The following SYN3 variants were observed in gnomAD, a reference collection of about 807,000 sequenced individuals.
SYN3 encodes synapsin-3.
A neutral mutation model predicts 65.8 loss-of-function variants in SYN3; 35 were observed. The ratio of observed to expected loss-of-function variants is 0.53; its 90% confidence interval spans 0.41 to 0.70. The LOEUF is 0.70. Ranked by LOEUF, SYN3 falls within the 30% of genes least tolerant of loss-of-function variation. The pLI is 0.00. For missense variants in SYN3, 680 were observed against 749.0 expected, an observed-to-expected ratio of 0.91 and a Z score of 1.08; for synonymous variants, 270 against 292.9, an observed-to-expected ratio of 0.92 and a Z score of 0.80.
chr22:33,049,863 T>C (rs2054131526), intron 1 of SYN3, among the ~76,000 whole-genome samples: 1 of 152,100 alleles, frequency 6.6e-6, no homozygotes, highest in Non-Finnish European at 1.5e-5. Context: ...CCAGGTCTCA[T>C]ACTCAGCTTG....
At chr22:32,587,563 G>A (rs1048906473) in intron 7 of SYN3, among the ~76,000 whole-genome samples, 1 of 152,072 alleles carries the variant, frequency 6.6e-6, no homozygotes, top group Non-Finnish European at 1.5e-5. Flanking sequence ...TCCTCTATTT[G>A]CTCATTTTCT....
At chr22:33,037,625 G>A (rs1165755973) in intron 1 of SYN3, among the ~76,000 whole-genome samples, 2 of 152,062 alleles carry the variant, frequency 1.3e-5, no homozygotes, top group African/African-American at 4.8e-5. Flanking sequence ...CTGATTTTAC[G>A]CTGAAGCATC....
At chr22:32,672,609 C>T (rs1250065387) in intron 6 of SYN3, among the ~76,000 whole-genome samples, 2 of 152,240 alleles carry the variant, frequency 1.3e-5, no homozygotes, top group African/African-American at 4.8e-5. Flanking sequence ...TGCTATGTCC[C>T]TCCGCCTGGT....
intron 6 of SYN3, among the ~76,000 whole-genome samples, chr22:32,819,913 G>C (rs968925703): frequency 2.6e-5 from 4 of 152,184 alleles, no homozygotes; most frequent in Non-Finnish European, 2.9e-5. Flanking sequence ...CCCAAGGGAA[G>C]TTCTCGCAAC....
chr22:32,770,099 A>T (rs2145768027), intron 6 of SYN3, among the ~76,000 whole-genome samples: 1 of 152,268 alleles, frequency 6.6e-6, no homozygotes, highest in East Asian at 1.9e-4. Context: ...TCATTTGCTC[A>T]GCCCCGAAAC....
intron 7 of SYN3, among the ~76,000 whole-genome samples, chr22:32,552,942 G>A (rs2058438662): frequency 1.3e-5 from 2 of 152,238 alleles, no homozygotes; most frequent in African/African-American, 4.8e-5. Context: ...CAGTTCTGGA[G>A]ACTGGGAAGT....
chr22:32,509,209 C>G lies in SYN3; in HGVS notation c.*4483G>C, dbSNP rs1254065863. Among the ~76,000 whole-genome samples, 5 of 152,202 alleles carry G rather than the reference C, an allele frequency of 3.3e-5. No individual in the cohort carries two copies. The highest frequency in any genetic ancestry group is 5.9e-5 in the Non-Finnish European group (4 of 68,046). Reference sequence around the variant, plus strand: ...ACTTTTCTGTGGCTGGTAGAGCTGTCCGCTAAGGCTGCGTTTTTAAATCCC... The same window carrying G: ...ACTTTTCTGTGGCTGGTAGAGCTGTGCGCTAAGGCTGCGTTTTTAAATCCC... On this transcript the variant is annotated 3_prime_UTR_variant, in exon 14 of 14. Coordinates refer to ENST00000358763, the MANE Select transcript of SYN3 (RefSeq NM_003490.4).
chr22:32,945,840 T>C, intron 3 of SYN3, among the ~76,000 whole-genome samples: 1 of 152,014 alleles, frequency 6.6e-6, no homozygotes, highest in East Asian at 1.9e-4. Context: ...CAAACAAATT[T>C]ACAAGAAAAA....
chr22:32,549,367 C>G (rs1344440242), intron 7 of SYN3, among the ~76,000 whole-genome samples: 1 of 152,094 alleles, frequency 6.6e-6, no homozygotes, highest in African/African-American at 2.4e-5. Flanking sequence ...AATCCTCCTG[C>G]CGCAGCCTCC....
At chr22:32,858,712 C>T (rs1189997180) in intron 6 of SYN3, among the ~76,000 whole-genome samples, 1 of 152,190 alleles carries the variant, frequency 6.6e-6, no homozygotes, top group Non-Finnish European at 1.5e-5. Context: ...CTATGATCTC[C>T]ATTCTGCAGA....
At chr22:32,534,664 G>A (rs116712337) in intron 9 of SYN3, among the ~76,000 whole-genome samples, 1,944 of 152,302 alleles carry the variant, frequency 0.013, 46 homozygotes, top group African/African-American at 0.045. Flanking sequence ...CTGGATTTGG[G>A]AGTCACAGGG....
intron 4 of SYN3, among the ~76,000 whole-genome samples, chr22:32,880,698 C>T (rs1486431481): frequency 2.0e-5 from 3 of 152,188 alleles, no homozygotes; most frequent in Non-Finnish European, 4.4e-5. Context: ...CCAGCATTTA[C>T]ACTCCACTAT....
At chr22:32,824,762 C>A (rs1180120201) in intron 6 of SYN3, among the ~76,000 whole-genome samples, 1 of 152,124 alleles carries the variant, frequency 6.6e-6, no homozygotes, top group Non-Finnish European at 1.5e-5. Context: ...CGCTTCTGAA[C>A]CAGTGTTTGA....
intron 6 of SYN3, among the ~76,000 whole-genome samples, chr22:32,739,165 T>C (rs1012423617): frequency 1.4e-5 from 2 of 143,756 alleles, no homozygotes; most frequent in African/African-American, 2.5e-5. Flanking sequence ...TGGGAGATAA[T>C]TGAATCACAG....
intron 6 of SYN3, among the ~76,000 whole-genome samples, chr22:32,626,092 T>C (rs894045927): frequency 6.6e-6 from 1 of 151,686 alleles, no homozygotes; most frequent in Non-Finnish European, 1.5e-5. Context: ...AAGGAAATGG[T>C]TGGGGGTAGA....
At chr22:32,599,447 G>A (rs575711108) in intron 6 of SYN3, among the ~76,000 whole-genome samples, 12 of 151,596 alleles carry the variant, frequency 7.9e-5, no homozygotes, top group East Asian at 7.8e-4. Flanking sequence ...TCAGCCTCCC[G>A]AGTAGCTGGG....
chr22:33,001,990 T>A (rs1003880488), intron 2 of SYN3, among the ~76,000 whole-genome samples: 4 of 152,070 alleles, frequency 2.6e-5, no homozygotes, highest in Admixed American at 2.6e-4. Flanking sequence ...AATGTTGGGA[T>A]GAAGAGAGAG....
In SYN3 at chr22:32,635,538, C is replaced by G. The variant is rs150195677; in HGVS notation, c.712-38802G>C. ...GCCAGATATTTGAAATAGGGACATT[C>G]TAGGATATTAGAGCAAATATTTCAC... On this transcript the variant is annotated intron_variant, in intron 6 of 13. Transcript: ENST00000358763. Among the ~76,000 whole-genome samples the G allele has an allele frequency of 6.6e-5, 10 of 152,280 alleles. No individual in the cohort carries two copies. In the East Asian group the frequency reaches 1.9e-3, roughly 29 times the overall value.
At chr22:32,578,262 T>C (rs1242702601) in intron 7 of SYN3, among the ~76,000 whole-genome samples, 1 of 151,894 alleles carries the variant, frequency 6.6e-6, no homozygotes, top group Non-Finnish European at 1.5e-5. Flanking sequence ...TCCCTCTCTC[T>C]TTCTGACAGG....
Sources: gnomAD v4.1 joint callset for allele counts (sites outside exome capture counted in the v4.1 genomes callset) on GRCh38, gnomAD v4.1.1 for gene constraint, MANE v1.5 for transcripts, NCBI Gene and HGNC (gene_info 2026-07-23, HGNC 2026-07-21) for gene names.